CXCR5: variants seen among roughly 807,000 people sequenced by gnomAD.
CXCR5 encodes C-X-C motif chemokine receptor 5.
A neutral mutation model predicts 5.6 loss-of-function variants in CXCR5; 3 were observed. The observed-to-expected ratio is 0.54, with a 90% CI of 0.24 to 1.39. CXCR5 has a LOEUF of 1.39. Ranked by LOEUF, CXCR5 falls within the 40% of genes most tolerant of loss-of-function variation. The pLI is 0.16. For synonymous variants in CXCR5, 218 were observed against 219.9 expected (o/e 0.99, Z 0.08); for missense variants, 333 against 494.6 (o/e 0.67, Z 3.10).
At position 118,887,387 on chromosome 11, in the gene CXCR5, ACT is replaced by A. The variant is rs59521002; in HGVS notation, c.51+3398_51+3399del. On this transcript the variant is annotated intron_variant, in intron 1 of 1. Transcript: ENST00000292174. ...GTCTGCCTGCATCTTGGACTGTGTGACTCTGTATCCAAAGGGCAAAGAGACGC... is the reference window on the plus strand; with the variant it reads ...GTCTGCCTGCATCTTGGACTGTGTGACTGTATCCAAAGGGCAAAGAGACGC... 3.9e-5 allele frequency: 38 copies of A among 985,314 alleles called. No individual in the cohort carries two copies. The African/African-American group carries it at 4.9e-4, about 13-fold the overall frequency. The allele number at this position is 985,314 out of a possible 1,614,324, so 61.0% of individuals were successfully genotyped here.
At chr11:118,888,693 G>A (rs187244241) in intron 1 of CXCR5, among the ~76,000 whole-genome samples, 5 of 152,304 alleles carry the variant, frequency 3.3e-5, no homozygotes, top group Non-Finnish European at 5.9e-5. Context: ...ATCCCTGGAC[G>A]GGTAATGTTT....
intron 1 of CXCR5, among the ~76,000 whole-genome samples, chr11:118,888,405 A>G (rs1406030561): frequency 6.6e-6 from 1 of 151,912 alleles, no homozygotes; most frequent in Non-Finnish European, 1.5e-5. Context: ...GCCCTCAGGG[A>G]CTCAAGTCTT....
intron 1 of CXCR5, among the ~76,000 whole-genome samples, chr11:118,891,871 C>CAAA (rs754547926): frequency 2.3e-4 from 8 of 34,492 alleles, no homozygotes; most frequent in Admixed American, 7.2e-4. Context: ...AACTCCCCCT[C>CAAA]AAAAAAAAAA....
chr11:118,893,996 T>C lies in CXCR5; in HGVS notation c.452T>C (p.Ile151Thr). 1 of 1,613,712 alleles carries C rather than the reference T, an allele frequency of 6.2e-7. No individual in the cohort carries two copies. The highest frequency in any genetic ancestry group is 8.5e-7 in the Non-Finnish European group (1 of 1,179,996). ...ACIAVDRYLA[I>T]VHAVHAYRHR... Reference sequence around the variant, plus strand: ...ATCGCCGTGGACCGCTACCTGGCCATTGTCCACGCCGTCCATGCCTACCGC... The same window carrying C: ...ATCGCCGTGGACCGCTACCTGGCCACTGTCCACGCCGTCCATGCCTACCGC... The change falls in exon 2 of 2, where the codon ATT becomes ACT. Residue 151 changes from isoleucine (I) to threonine (T), a missense_variant. Physicochemically the swap from Ile to Thr is moderately conservative, Grantham distance 89. Transcript: ENST00000292174. This position sits in a 1 kb window ranked among gnomAD's most constrained non-coding sequence, Gnocchi z 5.7.
In CXCR5 at chr11:118,894,213, T is replaced by A. The variant is rs771273984; in HGVS notation, c.669T>A (p.His223Gln). ...HAWFTSRFLY[H>Q]VAGFLLPMLV... The stretch of plus-strand genomic sequence containing the variant: ...GGTTCACCTCCCGATTCCTCTACCA[T>A]GTGGCGGGATTCCTGCTGCCCATGC... Residue 223 changes from histidine to glutamine, a missense_variant, in exon 2 of 2, where the codon CAT (histidine) becomes CAA (glutamine). Transcript: ENST00000292174. This position sits in a 1 kb window ranked among gnomAD's most constrained non-coding sequence, Gnocchi z 6.1. The A allele has an allele frequency of 6.2e-7, 1 of 1,614,058 alleles. No homozygotes were observed. Among genetic ancestry groups the A allele is most frequent in the Non-Finnish European group, 8.5e-7 (1 of 1,180,032 alleles).
At position 118,894,005 on chromosome 11, in the gene CXCR5, C is replaced by T; in HGVS notation, c.461C>T (p.Ala154Val). 1 of 1,613,742 alleles carries T rather than the reference C, an allele frequency of 6.2e-7. No individual in the cohort carries two copies. Residue 154 changes from alanine to valine, a missense_variant, in exon 2 of 2, where the codon GCC (alanine) becomes GTC (valine). Physicochemically the swap from Ala to Val is moderately conservative, Grantham distance 64 (BLOSUM62 0). Coordinates refer to ENST00000292174, the MANE Select transcript of CXCR5 (RefSeq NM_001716.5). The surrounding 1 kb of genome is among the most constrained non-coding windows in gnomAD (Gnocchi z 6.1). ...AVDRYLAIVH[A>V]VHAYRHRRLL... ...GACCGCTACCTGGCCATTGTCCACG[C>T]CGTCCATGCCTACCGCCACCGCCGC...
In CXCR5 at chr11:118,893,303, G is replaced by A. The variant is rs1939841214; in HGVS notation, c.52-293G>A. On this transcript the variant is annotated intron_variant, in intron 1 of 1. Transcript: ENST00000292174. This position sits in a 1 kb window ranked among gnomAD's most constrained non-coding sequence, Gnocchi z 5.7. Reference sequence around the variant, plus strand: ...CAAGGCTGCAGGCTTCCGTACATGAGGACCCAAAAACACAAGCTGACTTAT... The same window carrying A: ...CAAGGCTGCAGGCTTCCGTACATGAAGACCCAAAAACACAAGCTGACTTAT... The A allele has an allele frequency of 1.3e-6, 1 of 795,170 alleles. No homozygotes were observed. Among genetic ancestry groups the A allele is most frequent in the African/African-American group, 1.9e-5 (1 of 53,194 alleles). 49.3% of individuals were successfully genotyped at this position (795,170 alleles called of 1,614,324 possible).
chr11:118,892,414 G>T (rs1939825310), intron 1 of CXCR5, among the ~76,000 whole-genome samples: 1 of 152,100 alleles, frequency 6.6e-6, no homozygotes. Context: ...GGAGCCTGGT[G>T]GACAGAGTAC....
Position 118,893,577 on chromosome 11 carries a change from C to T in CXCR5, c.52-19C>T, listed in dbSNP as rs371102921. The T allele has an allele frequency of 2.3e-5, 36 of 1,551,878 alleles. No individual in the cohort carries two copies. The highest frequency in any genetic ancestry group is 1.4e-4 in the East Asian group (6 of 44,180). On this transcript the variant is annotated intron_variant, in intron 1 of 1. Coordinates refer to ENST00000292174, the MANE Select transcript of CXCR5 (RefSeq NM_001716.5). The surrounding 1 kb of genome is among the most constrained non-coding windows in gnomAD (Gnocchi z 5.7). Reference sequence around the variant, plus strand: ...ACAGGTCCTTAGGTCCTCACCCTCCCGTCTCCTTGCCCTTGCAGTTCTGGG... The same window carrying T: ...ACAGGTCCTTAGGTCCTCACCCTCCTGTCTCCTTGCCCTTGCAGTTCTGGG...
intron 1 of CXCR5, among the ~76,000 whole-genome samples, chr11:118,888,302 G>A (rs78440425): frequency 0.012 from 1,881 of 152,156 alleles, 52 homozygotes; most frequent in East Asian, 0.11. Context: ...CTCAGCTTCT[G>A]CCCAGTCCTT....
chr11:118,893,363 C>T lies in CXCR5; in HGVS notation c.52-233C>T. Reference sequence around the variant, plus strand: ...CCCTCCAGCACTTACAAAGCTCAGCCACCCGCACGCCTCCCTTCATCAGCA... The same window carrying T: ...CCCTCCAGCACTTACAAAGCTCAGCTACCCGCACGCCTCCCTTCATCAGCA... On this transcript the variant is annotated intron_variant, in intron 1 of 1. Transcript: ENST00000292174. This position sits in a 1 kb window ranked among gnomAD's most constrained non-coding sequence, Gnocchi z 5.7. 1.0e-6 allele frequency: 1 copy of T among 984,976 alleles called. No homozygotes were observed. The highest frequency in any genetic ancestry group is 1.2e-6 in the Non-Finnish European group (1 of 829,490). The allele number at this position is 984,976 out of a possible 1,614,324, so 61.0% of individuals were successfully genotyped here.
chr11:118,884,006 G>A lies in CXCR5; in HGVS notation c.51+14G>A, dbSNP rs771557582. 1.2e-6 allele frequency: 2 copies of A among 1,611,940 alleles called. No homozygotes were observed. Among genetic ancestry groups the A allele is most frequent in the South Asian group, 2.2e-5 (2 of 90,664 alleles). On this transcript the variant is annotated intron_variant, in intron 1 of 1. Transcript: ENST00000292174. ...CTGGAGGACCTGGTGAGTAGACACG[G>A]GTAGCTTCCTGTCGCCGAGGCCCTG...
chr11:118,884,737 C>G (rs1302782233), intron 1 of CXCR5, among the ~76,000 whole-genome samples: 1 of 152,164 alleles, frequency 6.6e-6, no homozygotes, highest in Non-Finnish European at 1.5e-5. Context: ...AAAATGGTCT[C>G]CAGCACTACG....
In CXCR5 at chr11:118,895,184, C is replaced by G. The variant is rs111605944; in HGVS notation, c.*521C>G. On this transcript the variant is annotated 3_prime_UTR_variant, in exon 2 of 2. Coordinates refer to ENST00000292174, the MANE Select transcript of CXCR5 (RefSeq NM_001716.5). The surrounding 1 kb of genome is among the most constrained non-coding windows in gnomAD (Gnocchi z 4.2). The stretch of plus-strand genomic sequence containing the variant: ...CCAGCTGGCAGCAGAGTGTGGCCTT[C>G]GGACAACTCAGTCCCTAAAAACACA... The G allele has an allele frequency of 6.0e-6, 1 of 167,606 alleles. No homozygotes were observed. Among genetic ancestry groups the G allele is most frequent in the East Asian group, 1.9e-4 (1 of 5,190 alleles). The allele number at this position is 167,606 out of a possible 1,614,324, so 10.4% of individuals were successfully genotyped here.
At position 118,893,638 on chromosome 11, in the gene CXCR5, C is replaced by T; in HGVS notation, c.94C>T (p.Leu32=). 1 of 1,610,270 alleles carries T rather than the reference C, an allele frequency of 6.2e-7. No homozygotes were observed. The highest frequency in any genetic ancestry group is 8.5e-7 in the Non-Finnish European group (1 of 1,177,048). Residue 32 remains leucine (L), a synonymous_variant, in exon 2 of 2, where the codon CTG becomes TTG. Coordinates refer to ENST00000292174, the MANE Select transcript of CXCR5 (RefSeq NM_001716.5). The surrounding 1 kb of genome is among the most constrained non-coding windows in gnomAD (Gnocchi z 5.7). ...DRLDNYNDTS[L]VENHLCPATE... ...ATTGGACAACTATAACGACACCTCC[C>T]TGGTGGAAAATCATCTCTGCCCTGC... is the stretch of plus-strand genomic sequence containing the variant.
chr11:118,887,426 G>A (rs1222984652), intron 1 of CXCR5: 4 of 985,426 alleles, frequency 4.1e-6, no homozygotes, highest in Non-Finnish European at 4.8e-6. Context: ...GGGGTGCCAG[G>A]TGGGGCTCCC....
At chr11:118,888,384 C>A (rs568738820) in intron 1 of CXCR5, among the ~76,000 whole-genome samples, 2 of 152,268 alleles carry the variant, frequency 1.3e-5, no homozygotes, top group African/African-American at 4.8e-5. Flanking sequence ...TCTTTCCAAG[C>A]CTTGACATCA....
rs771273984 is a variant in CXCR5, at chr11:118,894,213, T to C, written c.669T>C (p.His223=). Residue 223 remains histidine, a synonymous_variant, in exon 2 of 2, where the codon CAT becomes CAC. Transcript: ENST00000292174. This position sits in a 1 kb window ranked among gnomAD's most constrained non-coding sequence, Gnocchi z 6.1. ...GGTTCACCTCCCGATTCCTCTACCA[T>C]GTGGCGGGATTCCTGCTGCCCATGC... The part of the protein sequence containing the change: ...HAWFTSRFLY[H]VAGFLLPMLV... 19 of 1,613,940 alleles carry C rather than the reference T, an allele frequency of 1.2e-5. No individual in the cohort carries two copies. The East Asian group carries it at 1.6e-4, about 13-fold the overall frequency.
At position 118,893,210 on chromosome 11, in the gene CXCR5, C is replaced by A. The variant is rs1939839921; in HGVS notation, c.52-386C>A. 1.3e-5 allele frequency among the ~76,000 whole-genome samples: 2 copies of A among 151,542 alleles called. No homozygotes were observed. The highest frequency in any genetic ancestry group is 2.9e-5 in the Non-Finnish European group (2 of 67,902). ...CAGTGCCCGACTGTTCTGCTCAGAA[C>A]TGGAACAGATGGGTCCTTGTACCAA... On this transcript the variant is annotated intron_variant, in intron 1 of 1. Coordinates refer to ENST00000292174, the MANE Select transcript of CXCR5 (RefSeq NM_001716.5). The surrounding 1 kb of genome is among the most constrained non-coding windows in gnomAD (Gnocchi z 5.7).
Sources: allele counts gnomAD v4.1 joint callset (sites outside exome capture counted in the v4.1 genomes callset), GRCh38; gene constraint gnomAD v4.1.1; non-coding constraint Gnocchi (gnomAD v3.1); transcripts MANE v1.5; gene names NCBI Gene and HGNC (gene_info 2026-07-23, HGNC 2026-07-21).